Variants in NRG3 observed in about 807,000 individuals in gnomAD.
NRG3 encodes neuregulin 3.
Under a neutral mutation model 66.9 loss-of-function variants are expected in NRG3, and 31 were observed. The observed-to-expected ratio is 0.46, with a 90% CI of 0.35 to 0.63. NRG3 has a LOEUF of 0.63. NRG3 is among the 20% of genes least tolerant of loss of function. The pLI is 0.00. For synonymous variants in NRG3, 393 were observed against 359.4 expected (o/e 1.09, Z -1.06); for missense variants, 910 against 878.9 (o/e 1.04, Z -0.45).
chr10:81,930,345 A>G (rs1232687026), intron 1 of NRG3, among the ~76,000 whole-genome samples: 2 of 152,154 alleles, frequency 1.3e-5, no homozygotes, highest in Admixed American at 1.3e-4. Flanking sequence ...AAAATTCACT[A>G]GAATGACACA....
At chr10:82,323,259 C>T (rs2081674730) in intron 1 of NRG3, among the ~76,000 whole-genome samples, 1 of 152,164 alleles carries the variant, frequency 6.6e-6, no homozygotes, top group South Asian at 2.1e-4. Flanking sequence ...TGATAAACAT[C>T]ATGTATTTCA....
chr10:82,894,885 C>T (rs1424844993), intron 4 of NRG3, among the ~76,000 whole-genome samples: 1 of 152,082 alleles, frequency 6.6e-6, no homozygotes, highest in Non-Finnish European at 1.5e-5. Flanking sequence ...TGCTAATGCT[C>T]TCCCTCCCCT....
chr10:82,128,318 G>A (rs556948446), intron 1 of NRG3, among the ~76,000 whole-genome samples: 52 of 152,058 alleles, frequency 3.4e-4, no homozygotes, highest in Admixed American at 1.1e-3. Context: ...TAAATGGCTA[G>A]GCATGTTTTA....
intron 4 of NRG3, among the ~76,000 whole-genome samples, chr10:82,913,620 T>A (rs1381691516): frequency 2.0e-5 from 3 of 152,238 alleles, no homozygotes; most frequent in Non-Finnish European, 1.5e-5. Context: ...TTTGAAATAT[T>A]GACTGCCTTC....
At chr10:82,717,282 T>A (rs2057029081) in intron 2 of NRG3, among the ~76,000 whole-genome samples, 1 of 152,092 alleles carries the variant, frequency 6.6e-6, no homozygotes, top group Non-Finnish European at 1.5e-5. Context: ...ATCATGACTT[T>A]GGAATACTAT....
At chr10:82,209,247 C>A (rs1038544143) in intron 1 of NRG3, among the ~76,000 whole-genome samples, 7 of 152,148 alleles carry the variant, frequency 4.6e-5, no homozygotes, top group African/African-American at 1.4e-4. Flanking sequence ...ATGCTACTGG[C>A]CAACATAAAT....
chr10:82,210,065 G>C (rs1354505369), intron 1 of NRG3, among the ~76,000 whole-genome samples: 1 of 152,126 alleles, frequency 6.6e-6, no homozygotes, highest in Non-Finnish European at 1.5e-5. Flanking sequence ...ATACTCTCCT[G>C]AGAAAATTCA....
At chr10:82,609,615 TTGG>T (rs1159586310) in intron 2 of NRG3, among the ~76,000 whole-genome samples, 3 of 150,350 alleles carry the variant, frequency 2.0e-5, no homozygotes, top group African/African-American at 7.3e-5. Flanking sequence ...AGAGAGAAAA[TTGG>T]AAAAAAAAAT....
chr10:81,922,870 A>G (rs1490733457), intron 1 of NRG3, among the ~76,000 whole-genome samples: 2 of 152,208 alleles, frequency 1.3e-5, no homozygotes, highest in African/African-American at 2.4e-5. Flanking sequence ...GAGCCTCAGG[A>G]ACAGCATGGA....
intron 2 of NRG3, among the ~76,000 whole-genome samples, chr10:82,447,570 C>T (rs1446797774): frequency 6.6e-6 from 1 of 152,188 alleles, no homozygotes; most frequent in African/African-American, 2.4e-5. Context: ...ATTTATTCTT[C>T]CTACCTACTC....
chr10:82,303,179 T>G (rs968070580), intron 1 of NRG3, among the ~76,000 whole-genome samples: 2 of 152,224 alleles, frequency 1.3e-5, no homozygotes, highest in Non-Finnish European at 2.9e-5. Flanking sequence ...TCACTCCATC[T>G]TCCACCTCAA....
intron 4 of NRG3, among the ~76,000 whole-genome samples, chr10:82,881,199 A>G (rs1842269551): frequency 6.6e-6 from 1 of 152,246 alleles, no homozygotes; most frequent in South Asian, 2.1e-4. Context: ...CTGTCAGAGC[A>G]ACTGATGAAC....
At chr10:82,481,758 G>C (rs1392544683) in intron 2 of NRG3, among the ~76,000 whole-genome samples, 1 of 152,160 alleles carries the variant, frequency 6.6e-6, no homozygotes, top group South Asian at 2.1e-4. Context: ...GCCGAGGCAG[G>C]CGGATCACTT....
intron 1 of NRG3, among the ~76,000 whole-genome samples, chr10:81,962,246 T>C (rs924337368): frequency 3.9e-5 from 6 of 152,216 alleles, no homozygotes; most frequent in Non-Finnish European, 5.9e-5. Context: ...TGGAGCTTAA[T>C]ACCCACTTCA....
chr10:81,974,727 G>C (rs141812041), intron 1 of NRG3, among the ~76,000 whole-genome samples: 5 of 152,026 alleles, frequency 3.3e-5, no homozygotes, highest in African/African-American at 9.7e-5. Flanking sequence ...AAAAAGTCAC[G>C]CATCTATACT....
intron 2 of NRG3, among the ~76,000 whole-genome samples, chr10:82,720,128 G>T (rs1029733897): frequency 1.3e-5 from 2 of 152,162 alleles, no homozygotes; most frequent in African/African-American, 2.4e-5. Flanking sequence ...AGTGGCTCAT[G>T]CCTGTAATCC....
chr10:82,057,886 G>A (rs2063929659), intron 1 of NRG3, among the ~76,000 whole-genome samples: 1 of 151,864 alleles, frequency 6.6e-6, no homozygotes, highest in Non-Finnish European at 1.5e-5. Context: ...CTCAGACTCC[G>A]GGCCACCAGT....
intron 1 of NRG3, among the ~76,000 whole-genome samples, chr10:81,885,130 C>A (rs1025355980): frequency 6.6e-6 from 1 of 152,132 alleles, no homozygotes; most frequent in Non-Finnish European, 1.5e-5. Flanking sequence ...TCTCTTATGG[C>A]TGCTTGTAGG....
intron 2 of NRG3, among the ~76,000 whole-genome samples, chr10:82,422,775 T>A (rs1327074531): frequency 6.6e-6 from 1 of 152,072 alleles, no homozygotes; most frequent in Non-Finnish European, 1.5e-5. Flanking sequence ...TGCTATGTGG[T>A]AAATTATATT....
Sources: allele counts gnomAD v4.1 joint callset (sites outside exome capture counted in the v4.1 genomes callset), GRCh38; gene constraint gnomAD v4.1.1; transcripts MANE v1.5; gene names NCBI Gene and HGNC (gene_info 2026-07-23, HGNC 2026-07-21).